The following UBE2E3 variants were observed in gnomAD, a reference collection of about 807,000 sequenced individuals.
The protein encoded by UBE2E3 is ubiquitin conjugating enzyme E2 E3.
A neutral mutation model predicts 23.6 loss-of-function variants in UBE2E3; 5 were observed. The ratio of observed to expected loss-of-function variants is 0.21; its 90% CI spans 0.11 to 0.44. The LOEUF (loss-of-function observed/expected upper bound fraction) is 0.44. UBE2E3 is among the 20% of genes least tolerant of loss of function. UBE2E3 has a pLI of 0.99. For missense variants in UBE2E3, 81 were observed against 249.8 expected, an observed-to-expected ratio of 0.32 and a Z score of 4.55; for synonymous variants, 78 against 87.5, an observed-to-expected ratio of 0.89 and a Z score of 0.60.
chr2:181,011,063 G>A lies in UBE2E3; in HGVS notation c.245+26970G>A, dbSNP rs116196583. Among the ~76,000 whole-genome samples the A allele has an allele frequency of 3.7e-3, 567 of 151,752 alleles. 4 individuals are homozygous for A. Among genetic ancestry groups the A allele is most frequent in the African/African-American group, 0.013 (551 of 41,390 alleles). Reference sequence around the variant, plus strand: ...TAATAAAATTAAAGAGAGACTAGGTGACTTGAGCACAGGGTCTTGACTTTT... The same window carrying A: ...TAATAAAATTAAAGAGAGACTAGGTAACTTGAGCACAGGGTCTTGACTTTT... On this transcript the variant is annotated intron_variant, in intron 3 of 5. Transcript: ENST00000410062.
At chr2:181,045,662 C>T (rs1228270137) in intron 3 of UBE2E3, among the ~76,000 whole-genome samples, 1 of 152,126 alleles carries the variant, frequency 6.6e-6, no homozygotes, top group African/African-American at 2.4e-5. Context: ...AGTTTTTAAA[C>T]TCCACAGGTG....
chr2:181,018,158 T>C (rs55977965), intron 3 of UBE2E3, among the ~76,000 whole-genome samples: 35,195 of 151,892 alleles, frequency 0.23, 4,407 homozygotes, highest in Non-Finnish European at 0.28. Flanking sequence ...GGCTGTCTTC[T>C]AAAATGAATG....
chr2:180,998,309 C>A (rs1417152792), intron 3 of UBE2E3, among the ~76,000 whole-genome samples: 1 of 151,914 alleles, frequency 6.6e-6, no homozygotes, highest in Non-Finnish European at 1.5e-5. Flanking sequence ...CAACAATTAC[C>A]CAAAGCAGAG....
chr2:181,057,887 A>G (rs1687030810), intron 4 of UBE2E3, 62 bp downstream of exon 4: 4 of 1,548,156 alleles, frequency 2.6e-6, no homozygotes, highest in East Asian at 2.3e-5. Context: ...CGGTTATTCT[A>G]GAACTTAAAT....
intron 3 of UBE2E3, chr2:180,989,849 C>CT: frequency 6.5e-7 from 1 of 1,529,858 alleles, no homozygotes; most frequent in South Asian, 1.2e-5. Flanking sequence ...AAATGAGTTG[C>CT]TGTAACAACA....
intron 3 of UBE2E3, among the ~76,000 whole-genome samples, chr2:181,000,550 A>T (rs1684959957): frequency 6.8e-6 from 1 of 147,320 alleles, no homozygotes; most frequent in Admixed American, 6.9e-5. Context: ...GACCTTAAAG[A>T]ATAACCTTTT....
At chr2:181,019,787 G>C (rs751821818) in intron 3 of UBE2E3, among the ~76,000 whole-genome samples, 8 of 152,110 alleles carry the variant, frequency 5.3e-5, no homozygotes, top group Non-Finnish European at 8.8e-5. Context: ...CCATAAGCTA[G>C]TTAACGTAGC....
Position 181,022,459 on chromosome 2 carries a change from A to T in UBE2E3, c.246-35234A>T, listed in dbSNP as rs76692482. ...TCTAGTTAATTATGTAAATTAATAC[A>T]TAACCATTTTATGTTTCTGTTGAAA... is the stretch of plus-strand genomic sequence containing the variant. On this transcript the variant is annotated intron_variant, in intron 3 of 5. Coordinates refer to ENST00000410062, the MANE Select transcript of UBE2E3 (RefSeq NM_006357.4). 7.1e-3 allele frequency among the ~76,000 whole-genome samples: 1,088 copies of T among 152,250 alleles called. 11 individuals are homozygous for T. The highest frequency in any genetic ancestry group is 0.025 in the African/African-American group (1,033 of 41,536).
At chr2:181,017,708 GT>G (rs1396281134) in intron 3 of UBE2E3, among the ~76,000 whole-genome samples, 3 of 148,736 alleles carry the variant, frequency 2.0e-5, no homozygotes, top group Admixed American at 6.7e-5. Context: ...AGCATAAAAG[GT>G]TTTTTTGTTT....
Position 181,021,570 on chromosome 2 carries a change from TCCTCCCTCCCTC to T in UBE2E3, c.246-36119_246-36108del, listed in dbSNP as rs1201581086. ...AAATATACTCCCTTCCTTCCTTCCT[TCCTCCCTCCCTC>T]CCTTCCTTCCTCCCTCCCTTCCTTC... is the stretch of plus-strand genomic sequence containing the variant. On this transcript the variant is annotated intron_variant, in intron 3 of 5. Coordinates refer to ENST00000410062, the MANE Select transcript of UBE2E3 (RefSeq NM_006357.4). 8.4e-4 allele frequency among the ~76,000 whole-genome samples: 64 copies of T among 76,182 alleles called. 1 individual carries two copies. Among genetic ancestry groups the T allele is most frequent in the Middle Eastern group, 5.6e-3 (1 of 178 alleles). The allele number at this position is 76,182 out of a possible 152,430, so 50.0% of individuals were successfully genotyped here.
intron 3 of UBE2E3, among the ~76,000 whole-genome samples, chr2:181,002,765 TAGC>T (rs1357481989): frequency 6.6e-6 from 1 of 152,236 alleles, no homozygotes; most frequent in African/African-American, 2.4e-5. Flanking sequence ...GCTACTGTAT[TAGC>T]AGAGATTTAC....
intron 3 of UBE2E3, among the ~76,000 whole-genome samples, chr2:180,999,828 T>A (rs1275784187): frequency 6.6e-6 from 1 of 152,344 alleles, no homozygotes; most frequent in East Asian, 1.9e-4. Flanking sequence ...AATACCTGTT[T>A]CATCATTCTT....
At chr2:180,981,201 G>A (rs1364857548) in intron 1 of UBE2E3, 4 of 150,320 alleles carry the variant, frequency 2.7e-5, no homozygotes, top group Non-Finnish European at 5.9e-5. Context: ...GGAGCTGCGT[G>A]GCCGCCGCCG....
chr2:181,034,426 A>G lies in UBE2E3; in HGVS notation c.246-23267A>G, dbSNP rs557915055. On this transcript the variant is annotated intron_variant, in intron 3 of 5. Transcript: ENST00000410062. ...ATCATTCTCAGCAAACTGTTGCAAG[A>G]ACAGAAAACCAAACACCACAGGTTC... is the stretch of plus-strand genomic sequence containing the variant. Among the ~76,000 whole-genome samples, 25 of 152,302 alleles carry G rather than the reference A, an allele frequency of 1.6e-4. 1 individual carries two copies. In the East Asian group the frequency reaches 4.4e-3, roughly 27 times the overall value.
At chr2:181,034,687 A>AAAAAG (rs79225597) in intron 3 of UBE2E3, among the ~76,000 whole-genome samples, 34,953 of 151,984 alleles carry the variant, frequency 0.23, 4,360 homozygotes, top group Non-Finnish European at 0.28. Context: ...AAAAAAAATT[A>AAAAAG]AAAAGAAATT....
intron 3 of UBE2E3, among the ~76,000 whole-genome samples, chr2:181,057,352 AG>A (rs2105479912): frequency 6.6e-6 from 1 of 151,828 alleles, no homozygotes; most frequent in East Asian, 1.9e-4. Flanking sequence ...CAGGTGACTC[AG>A]AAAAAAGTAT....
chr2:181,055,277 G>A (rs752664657), intron 3 of UBE2E3, among the ~76,000 whole-genome samples: 3 of 151,730 alleles, frequency 2.0e-5, no homozygotes, highest in Non-Finnish European at 2.9e-5. Flanking sequence ...TTGGGAGAAA[G>A]GGCATTGTTG....
chr2:181,009,308 A>G (rs1193523625), intron 3 of UBE2E3, among the ~76,000 whole-genome samples: 1 of 152,124 alleles, frequency 6.6e-6, no homozygotes, highest in Admixed American at 6.5e-5. Context: ...TATCTATAAA[A>G]CCAACTTTGA....
intron 4 of UBE2E3, among the ~76,000 whole-genome samples, chr2:181,058,102 TC>T (rs1334300785): frequency 5.3e-5 from 8 of 151,696 alleles, no homozygotes; most frequent in Non-Finnish European, 1.2e-4. Flanking sequence ...AGGGAGAAGA[TC>T]CTATGAACCT....
Sources: allele counts gnomAD v4.1 joint callset (sites outside exome capture counted in the v4.1 genomes callset), GRCh38; gene constraint gnomAD v4.1.1; transcripts MANE v1.5; gene names NCBI Gene and HGNC (gene_info 2026-07-23, HGNC 2026-07-21).